The following PITPNC1 variants were observed in gnomAD, a reference collection of about 807,000 sequenced individuals.
The protein encoded by PITPNC1 is cytoplasmic phosphatidylinositol transfer protein 1.
PITPNC1 carries 18 observed loss-of-function variants against 44.7 expected under a neutral mutation model. The observed-to-expected ratio is 0.40, with a 90% CI of 0.28 to 0.60. The LOEUF (loss-of-function observed/expected upper bound fraction) is 0.60. Among genes scored for constraint, PITPNC1 ranks in the 20% least tolerant of loss-of-function variants. The pLI, the probability that PITPNC1 is intolerant of heterozygous loss-of-function variation, is 0.39. For synonymous variants in PITPNC1, 141 were observed against 149.6 expected, an observed-to-expected ratio of 0.94 and a Z score of 0.42; for missense variants, 290 against 418.4, an observed-to-expected ratio of 0.69 and a Z score of 2.68.
intron 6 of PITPNC1, 127 bp downstream of exon 6, chr17:67,632,365 C>T: frequency 3.1e-6 from 2 of 646,102 alleles, no homozygotes; most frequent in African/African-American, 3.6e-5. Flanking sequence ...GCTTTCGTAT[C>T]TTGCTGGTTC....
chr17:67,512,027 C>G (rs1454277101), intron 1 of PITPNC1, among the ~76,000 whole-genome samples: 1 of 152,180 alleles, frequency 6.6e-6, no homozygotes, highest in Non-Finnish European at 1.5e-5. Context: ...CATTGCTGTT[C>G]TCTGCCTGCC....
intron 1 of PITPNC1, among the ~76,000 whole-genome samples, chr17:67,447,400 G>A (rs2039113959): frequency 6.6e-6 from 1 of 151,968 alleles, no homozygotes; most frequent in South Asian, 2.1e-4. Context: ...TGCCCCTTAT[G>A]TAAGTCCTCA....
chr17:67,588,707 A>G (rs934449705), intron 5 of PITPNC1, among the ~76,000 whole-genome samples: 1 of 152,212 alleles, frequency 6.6e-6, no homozygotes, highest in Non-Finnish European at 1.5e-5. Context: ...CTGCATTTGT[A>G]TTTGTAACTC....
intron 4 of PITPNC1, among the ~76,000 whole-genome samples, chr17:67,572,748 T>G: frequency 3.5e-5 from 5 of 141,532 alleles, no homozygotes; most frequent in Admixed American, 7.1e-5. Context: ...GAGAGTACCA[T>G]GGCCAAAAAA....
At chr17:67,644,690 G>C (rs573015685) in intron 6 of PITPNC1, among the ~76,000 whole-genome samples, 26 of 152,208 alleles carry the variant, frequency 1.7e-4, no homozygotes, top group African/African-American at 6.3e-4. Context: ...TCGCCAAAGT[G>C]CTGGGATTAC....
intron 1 of PITPNC1, among the ~76,000 whole-genome samples, chr17:67,484,193 C>T (rs2039743968): frequency 6.6e-6 from 1 of 152,132 alleles, no homozygotes; most frequent in Non-Finnish European, 1.5e-5. Flanking sequence ...ACTGGGATTA[C>T]AGGGGCGAGC....
chr17:67,413,062 A>G (rs1034998033), intron 1 of PITPNC1, among the ~76,000 whole-genome samples: 6 of 152,256 alleles, frequency 3.9e-5, no homozygotes, highest in Non-Finnish European at 8.8e-5. Flanking sequence ...GAAAGAGATT[A>G]CATTAGGAAT....
rs78810027 is a variant in PITPNC1 at position 67,540,433 on chromosome 17, A to G, written c.197+7483A>G. 7.6e-3 allele frequency among the ~76,000 whole-genome samples: 1,152 copies of G among 152,262 alleles called. 12 individuals are homozygous for G. Among genetic ancestry groups the G allele is most frequent in the Middle Eastern group, 0.014 (4 of 294 alleles). ...TCCTTTTTTTAAAAGAAGAAAGTTC[A>G]TCACAAATATGGGGAAATGTTAGTT... On this transcript the variant is annotated intron_variant, in intron 2 of 8. Transcript: ENST00000581322.
At chr17:67,612,659 G>A (rs2041702014) in intron 5 of PITPNC1, 2 of 150,346 alleles carry the variant, frequency 1.3e-5, no homozygotes, top group African/African-American at 4.9e-5. Flanking sequence ...GTGTGGCTGG[G>A]TGGATGGATG....
chr17:67,471,330 AT>A (rs1257973700), intron 1 of PITPNC1, among the ~76,000 whole-genome samples: 2 of 150,816 alleles, frequency 1.3e-5, no homozygotes, highest in Non-Finnish European at 2.9e-5. Context: ...CCCTGAATGG[AT>A]ATACCACAGT....
chr17:67,555,171 C>T (rs146447483), intron 4 of PITPNC1, among the ~76,000 whole-genome samples: 2 of 152,116 alleles, frequency 1.3e-5, no homozygotes. Context: ...CTTTTCTGAA[C>T]CTGTTTCCTC....
intron 5 of PITPNC1, among the ~76,000 whole-genome samples, chr17:67,616,553 A>G (rs1054757937): frequency 1.3e-5 from 2 of 152,000 alleles, no homozygotes; most frequent in Non-Finnish European, 2.9e-5. Context: ...TGCCCCTTGA[A>G]TCTTCTTCCT....
intron 1 of PITPNC1, among the ~76,000 whole-genome samples, chr17:67,402,234 A>C (rs931416829): frequency 1.3e-5 from 2 of 152,234 alleles, no homozygotes; most frequent in East Asian, 3.8e-4. Flanking sequence ...TTCACATGCC[A>C]CGAAATATTA....
chr17:67,594,409 C>T (rs1287926087), intron 5 of PITPNC1, among the ~76,000 whole-genome samples: 1 of 152,160 alleles, frequency 6.6e-6, no homozygotes, highest in East Asian at 1.9e-4. Context: ...TCTCACGTTT[C>T]TGAAGTCTGC....
chr17:67,480,279 G>A (rs990637766), intron 1 of PITPNC1, among the ~76,000 whole-genome samples: 8 of 152,232 alleles, frequency 5.3e-5, no homozygotes, highest in Admixed American at 2.0e-4. Context: ...TAAATATCTC[G>A]CAGACAGAAT....
chr17:67,504,397 A>G (rs2144075580), intron 1 of PITPNC1, among the ~76,000 whole-genome samples: 1 of 152,368 alleles, frequency 6.6e-6, no homozygotes, highest in Admixed American at 6.5e-5. Flanking sequence ...TATCTAAAGC[A>G]ACTGAAAAGG....
At chr17:67,385,179 C>G (rs79699772) in intron 1 of PITPNC1, among the ~76,000 whole-genome samples, 1 of 152,214 alleles carries the variant, frequency 6.6e-6, no homozygotes, top group Non-Finnish European at 1.5e-5. Flanking sequence ...GTAAAATGCA[C>G]CAATCAGCGC....
At chr17:67,384,599 G>T (rs570762475) in intron 1 of PITPNC1, among the ~76,000 whole-genome samples, 1 of 152,046 alleles carries the variant, frequency 6.6e-6, no homozygotes, top group Non-Finnish European at 1.5e-5. Flanking sequence ...CTGATTTTTT[G>T]TATTTTTAGT....
chr17:67,516,164 A>G (rs1224942563), intron 1 of PITPNC1, among the ~76,000 whole-genome samples: 2 of 152,192 alleles, frequency 1.3e-5, no homozygotes, highest in Non-Finnish European at 2.9e-5. Flanking sequence ...TCTTCTTACC[A>G]TCAACCTGAA....
Sources: gnomAD v4.1 joint callset for allele counts (sites outside exome capture counted in the v4.1 genomes callset) on GRCh38, gnomAD v4.1.1 for gene constraint, MANE v1.5 for transcripts, NCBI Gene and HGNC (gene_info 2026-07-23, HGNC 2026-07-21) for gene names.